The following INPP4B variants were observed in gnomAD, a reference collection of about 807,000 sequenced individuals.
INPP4B encodes inositol polyphosphate 4-phosphatase type II.
Under a neutral mutation model 122.5 loss-of-function variants are expected in INPP4B, and 55 were observed. That is an observed-to-expected ratio of 0.45 (90% CI 0.36 to 0.56). The LOEUF is 0.56. Among genes scored for constraint, INPP4B ranks in the 20% least tolerant of loss-of-function variants. INPP4B has a pLI of 0.00. For missense variants in INPP4B, 1,000 were observed against 1,097.7 expected, an observed-to-expected ratio of 0.91 and a Z score of 1.26; for synonymous variants, 403 against 388.7, an observed-to-expected ratio of 1.04 and a Z score of -0.43.
chr4:142,326,639 T>C, intron 7 of INPP4B, among the ~76,000 whole-genome samples: 1 of 152,172 alleles, frequency 6.6e-6, no homozygotes, highest in East Asian at 1.9e-4. Flanking sequence ...AAGTGGAGAA[T>C]CATTATGCTC....
At chr4:142,433,365 G>A (rs1412172982) in intron 3 of INPP4B, among the ~76,000 whole-genome samples, 1 of 152,030 alleles carries the variant, frequency 6.6e-6, no homozygotes, top group Non-Finnish European at 1.5e-5. Flanking sequence ...TTCTACTCAG[G>A]CCAGTTCTCA....
intron 2 of INPP4B, among the ~76,000 whole-genome samples, chr4:142,550,509 T>C (rs1727704612): frequency 6.6e-6 from 1 of 151,926 alleles, no homozygotes. Flanking sequence ...TAAGGGAACT[T>C]ATCCAGAATA....
intron 2 of INPP4B, among the ~76,000 whole-genome samples, chr4:142,654,135 C>A (rs189042487): frequency 6.6e-6 from 1 of 152,040 alleles, no homozygotes; most frequent in Non-Finnish European, 1.5e-5. Flanking sequence ...AAACCAAACA[C>A]CACATGTTCT....
chr4:142,665,467 C>G (rs1156918760), intron 2 of INPP4B, among the ~76,000 whole-genome samples: 2 of 133,280 alleles, frequency 1.5e-5, no homozygotes, highest in Non-Finnish European at 3.1e-5. Context: ...GCACTCCAGC[C>G]TGGGTGACAG....
chr4:142,638,110 A>G (rs1749568028), intron 2 of INPP4B, among the ~76,000 whole-genome samples: 4 of 152,064 alleles, frequency 2.6e-5, no homozygotes, highest in Non-Finnish European at 5.9e-5. Context: ...CTTTCATCAG[A>G]TTTGTCTTTT....
intron 3 of INPP4B, among the ~76,000 whole-genome samples, chr4:142,432,428 T>G (rs773793913): frequency 2.6e-5 from 4 of 152,042 alleles, no homozygotes; most frequent in Non-Finnish European, 5.9e-5. Context: ...TTTTAGAAAA[T>G]AGTATAATAA....
chr4:142,763,866 C>G lies in INPP4B; in HGVS notation c.-253-37965G>C, dbSNP rs988724131. Among the ~76,000 whole-genome samples the G allele has an allele frequency of 2.6e-5, 4 of 151,832 alleles. No homozygotes were observed. In the East Asian group the frequency reaches 7.7e-4, roughly 29 times the overall value. On this transcript the variant is annotated intron_variant, in intron 1 of 25. Transcript: ENST00000262992. ...TCAGCAAAGAAGCAATGTCAATAGT[C>G]AAGACATGAAATTATCTAAGCTCTC...
chr4:142,696,671 T>A (rs1761072936), intron 2 of INPP4B, among the ~76,000 whole-genome samples: 1 of 152,162 alleles, frequency 6.6e-6, no homozygotes, highest in Non-Finnish European at 1.5e-5. Context: ...CTACTTATGT[T>A]GTTCTCCAAA....
Position 142,548,756 on chromosome 4 carries a change from T to C in INPP4B, c.-190-86030A>G, listed in dbSNP as rs1727269401. ...TAGTGCATACAGATGTGTCTGTGTG[T>C]GTGTGTGTGTGTGTGTGTGTATACA... On this transcript the variant is annotated intron_variant, in intron 2 of 25. Transcript: ENST00000262992. 9.2e-5 allele frequency among the ~76,000 whole-genome samples: 12 copies of C among 129,830 alleles called. 1 individual carries two copies. The South Asian group carries it at 2.9e-3, about 32-fold the overall frequency. 85.2% of individuals were successfully genotyped at this position (129,830 alleles called of 152,430 possible).
intron 7 of INPP4B, among the ~76,000 whole-genome samples, chr4:142,332,932 A>G (rs1775147145): frequency 6.8e-6 from 1 of 146,882 alleles, no homozygotes; most frequent in Non-Finnish European, 1.5e-5. Flanking sequence ...AATGGCGTGA[A>G]CCCAGGAGGC....
chr4:142,254,361 T>G (rs1178479461), intron 11 of INPP4B, among the ~76,000 whole-genome samples: 1 of 123,326 alleles, frequency 8.1e-6, no homozygotes, highest in Non-Finnish European at 1.8e-5. Context: ...GGAGAATGAC[T>G]TTCACGAGCT....
chr4:142,616,856 C>T (rs903784985), intron 2 of INPP4B, among the ~76,000 whole-genome samples: 14 of 152,040 alleles, frequency 9.2e-5, no homozygotes, highest in African/African-American at 3.1e-4. Flanking sequence ...AAAAACCACA[C>T]GTTCTTACTT....
chr4:142,561,671 G>A (rs755979630), intron 2 of INPP4B, among the ~76,000 whole-genome samples: 27 of 151,908 alleles, frequency 1.8e-4, no homozygotes, highest in African/African-American at 7.3e-5. Flanking sequence ...CTCCCGCCTC[G>A]GCCTCCCAAA....
chr4:142,534,145 C>A (rs1260716802), intron 2 of INPP4B, among the ~76,000 whole-genome samples: 1 of 152,056 alleles, frequency 6.6e-6, no homozygotes, highest in Non-Finnish European at 1.5e-5. Flanking sequence ...GTGTTTTATG[C>A]CCTTTAAAGT....
intron 1 of INPP4B, among the ~76,000 whole-genome samples, chr4:142,806,774 AGAAAGAAAGAAG>A (rs1231554429): frequency 0.093 from 8,296 of 89,028 alleles, 525 homozygotes; most frequent in South Asian, 0.15. Context: ...GAAGAAAGAA[AGAAAGAAAGAAG>A]GAAAGAAAGA....
chr4:142,145,090 A>G (rs897788006), intron 18 of INPP4B, among the ~76,000 whole-genome samples: 4 of 152,116 alleles, frequency 2.6e-5, no homozygotes, highest in African/African-American at 9.7e-5. Flanking sequence ...GTCAATATTA[A>G]TCAAACATTA....
chr4:142,552,127 A>T (rs1728119286), intron 2 of INPP4B, among the ~76,000 whole-genome samples: 2 of 152,180 alleles, frequency 1.3e-5, no homozygotes, highest in African/African-American at 2.4e-5. Flanking sequence ...ACTCTTACAG[A>T]ATTTGAGTAA....
In INPP4B at chr4:142,363,296, C is replaced by G. The variant is rs1269098718; in HGVS notation, c.372+39642G>C. On this transcript the variant is annotated intron_variant, in intron 7 of 25. Coordinates refer to ENST00000262992, the MANE Select transcript of INPP4B (RefSeq NM_001101669.3). ...TTAAAAATTTCAAGGGCTACTCCTC[C>G]AGTTATGCCATGCAATTAACACAAA... 2.6e-5 allele frequency among the ~76,000 whole-genome samples: 4 copies of G among 151,686 alleles called. No individual in the cohort carries two copies. In the East Asian group the frequency reaches 7.8e-4, roughly 30 times the overall value.
At chr4:142,482,840 G>A (rs989605859) in intron 2 of INPP4B, among the ~76,000 whole-genome samples, 2 of 152,082 alleles carry the variant, frequency 1.3e-5, no homozygotes, top group Non-Finnish European at 2.9e-5. Context: ...ATTCATTAAT[G>A]AAGAGTTTAC....
Sources: allele counts gnomAD v4.1 joint callset (sites outside exome capture counted in the v4.1 genomes callset), GRCh38; gene constraint gnomAD v4.1.1; transcripts MANE v1.5; gene names NCBI Gene and HGNC (gene_info 2026-07-23, HGNC 2026-07-21).